The following ULK4 variants were observed in gnomAD, a reference collection of about 807,000 sequenced individuals.
ULK4 encodes unc-51 like kinase 4.
A neutral mutation model predicts 160.6 loss-of-function variants in ULK4; 133 were observed. That is an observed-to-expected ratio of 0.83 (90% CI 0.72 to 0.96). ULK4 has a LOEUF of 0.96. ULK4 is among the 40% of genes least tolerant of loss of function. The probability of loss-of-function intolerance (pLI) is 0.00; values close to 1 mark genes in which losing one functional copy is unlikely to be tolerated. For synonymous variants in ULK4, 534 were observed against 539.8 expected, an observed-to-expected ratio of 0.99 and a Z score of 0.15; for missense variants, 1,580 against 1,499.5, an observed-to-expected ratio of 1.05 and a Z score of -0.89.
chr3:41,300,859 A>G (rs1359778345), intron 35 of ULK4, among the ~76,000 whole-genome samples: 1 of 107,796 alleles, frequency 9.3e-6, no homozygotes. Context: ...ATATATATAT[A>G]TATATATATA....
At chr3:41,807,839 A>G (rs1437768504) in intron 19 of ULK4, among the ~76,000 whole-genome samples, 1 of 152,174 alleles carries the variant, frequency 6.6e-6, no homozygotes, top group African/African-American at 2.4e-5. Context: ...AGAATAAATT[A>G]ACCTAACACT....
At chr3:41,388,471 T>A (rs528922208) in intron 35 of ULK4, among the ~76,000 whole-genome samples, 47 of 152,146 alleles carry the variant, frequency 3.1e-4, no homozygotes, top group African/African-American at 7.7e-4. Flanking sequence ...CTGAATGGTA[T>A]TGCCTAGGTT....
At chr3:41,852,489 C>G (rs2042240618) in intron 17 of ULK4, among the ~76,000 whole-genome samples, 1 of 152,030 alleles carries the variant, frequency 6.6e-6, no homozygotes, top group South Asian at 2.1e-4. Context: ...GCATATTACT[C>G]CTACTGAAAG....
intron 35 of ULK4, among the ~76,000 whole-genome samples, chr3:41,323,652 C>CT (rs1290847182): frequency 1.3e-5 from 2 of 152,002 alleles, no homozygotes; most frequent in African/African-American, 4.8e-5. Flanking sequence ...ATGCACATAG[C>CT]TTTGCCTTCT....
In ULK4 at chr3:41,959,913, A is replaced by C. The variant is rs9816370; in HGVS notation, c.-49+2103T>G. On this transcript the variant is annotated intron_variant, in intron 1 of 36. Transcript: ENST00000301831. ...AGAAAAAATATAATCAGAAACCTTA[A>C]GTGTTCACAAATTGTCTACATTAGG... Among the ~76,000 whole-genome samples, 645 of 152,362 alleles carry C rather than the reference A, an allele frequency of 4.2e-3. 3 individuals are homozygous for C. Among genetic ancestry groups the C allele is most frequent in the African/African-American group, 0.015 (610 of 41,588 alleles).
intron 4 of ULK4, among the ~76,000 whole-genome samples, chr3:41,933,808 G>C (rs2148824170): frequency 6.6e-6 from 1 of 152,172 alleles, no homozygotes; most frequent in South Asian, 2.1e-4. Flanking sequence ...CCAGCACTTT[G>C]GGAAGCCAAG....
At chr3:41,813,334 G>C (rs1372521003) in intron 19 of ULK4, among the ~76,000 whole-genome samples, 1 of 152,132 alleles carries the variant, frequency 6.6e-6, no homozygotes, top group Non-Finnish European at 1.5e-5. Flanking sequence ...TTGAAATTCA[G>C]AACATAAACT....
intron 35 of ULK4, among the ~76,000 whole-genome samples, chr3:41,287,894 G>C (rs1263564718): frequency 6.6e-6 from 1 of 152,152 alleles, no homozygotes; most frequent in African/African-American, 2.4e-5. Context: ...TTACACATGG[G>C]GACATTTGAG....
chr3:41,731,960 C>G (rs2037840631), intron 22 of ULK4, among the ~76,000 whole-genome samples: 1 of 152,106 alleles, frequency 6.6e-6, no homozygotes, highest in African/African-American at 2.4e-5. Flanking sequence ...CCCCCTCACT[C>G]TCACCGTATA....
At chr3:41,571,174 C>T (rs996520637) in intron 31 of ULK4, among the ~76,000 whole-genome samples, 6 of 152,178 alleles carry the variant, frequency 3.9e-5, no homozygotes, top group Non-Finnish European at 8.8e-5. Context: ...ATTATCTTTA[C>T]TTGCTCTTCC....
chr3:41,481,899 ATAAT>A (rs1697723384), intron 32 of ULK4, among the ~76,000 whole-genome samples: 1 of 152,138 alleles, frequency 6.6e-6, no homozygotes, highest in East Asian at 1.9e-4. Flanking sequence ...TTTTTGCAAA[ATAAT>A]TAAGAAAATT....
chr3:41,503,273 C>G (rs1165307263), intron 32 of ULK4, among the ~76,000 whole-genome samples: 2 of 152,208 alleles, frequency 1.3e-5, no homozygotes, highest in Non-Finnish European at 2.9e-5. Context: ...AATTTCAAAA[C>G]TCTCACAAGA....
At chr3:41,850,046 G>A (rs2125672408) in intron 17 of ULK4, among the ~76,000 whole-genome samples, 1 of 152,194 alleles carries the variant, frequency 6.6e-6, no homozygotes, top group East Asian at 1.9e-4. Flanking sequence ...CCACCTATGA[G>A]TGAGAACATG....
chr3:41,820,112 G>C (rs1325867782), intron 18 of ULK4, among the ~76,000 whole-genome samples: 1 of 151,940 alleles, frequency 6.6e-6, no homozygotes, highest in African/African-American at 2.4e-5. Context: ...AAATAAATCA[G>C]GTACCACACA....
intron 34 of ULK4, among the ~76,000 whole-genome samples, chr3:41,453,192 G>C (rs894591610): frequency 1.3e-5 from 2 of 152,046 alleles, no homozygotes; most frequent in African/African-American, 4.8e-5. Flanking sequence ...TTTTGAGACA[G>C]GGTCTCACTC....
chr3:41,300,999 T>C (rs1030740203), intron 35 of ULK4, among the ~76,000 whole-genome samples: 4 of 151,314 alleles, frequency 2.6e-5, no homozygotes, highest in Non-Finnish European at 4.4e-5. Context: ...TAGGTGTGAC[T>C]GAATTCCTCA....
intron 1 of ULK4, among the ~76,000 whole-genome samples, chr3:41,959,363 C>CAAA (rs5848611): frequency 4.0e-4 from 53 of 133,096 alleles, no homozygotes; most frequent in South Asian, 7.4e-4. Context: ...GATTCCATCT[C>CAAA]AAAAAAAAAA....
At chr3:41,830,416 A>G (rs1048808476) in intron 18 of ULK4, among the ~76,000 whole-genome samples, 1 of 152,126 alleles carries the variant, frequency 6.6e-6, no homozygotes, top group African/African-American at 2.4e-5. Context: ...AAGTCTATAT[A>G]AAGAAAGCAA....
chr3:41,452,553 G>C (rs1236825917), intron 34 of ULK4, among the ~76,000 whole-genome samples: 1 of 152,110 alleles, frequency 6.6e-6, no homozygotes, highest in Non-Finnish European at 1.5e-5. Flanking sequence ...ACATTTTGAA[G>C]ACATAATCAT....
Sources: gnomAD v4.1 joint callset for allele counts (sites outside exome capture counted in the v4.1 genomes callset) on GRCh38, gnomAD v4.1.1 for gene constraint, MANE v1.5 for transcripts, NCBI Gene and HGNC (gene_info 2026-07-23, HGNC 2026-07-21) for gene names.